SEMG2: variants seen among roughly 807,000 people sequenced by gnomAD.
The protein encoded by SEMG2 is semenogelin 2.
Under a neutral mutation model 8.1 loss-of-function variants are expected in SEMG2, and 3 were observed. That is an observed-to-expected ratio of 0.37 (90% CI 0.17 to 0.96). The LOEUF (loss-of-function observed/expected upper bound fraction) is 0.96. SEMG2 is among the 40% of genes least tolerant of loss of function. The pLI is 0.41. For synonymous variants in SEMG2, 252 were observed against 231.4 expected (o/e 1.09, Z -0.81); for missense variants, 726 against 671.2 (o/e 1.08, Z -0.90).
chr20:45,221,583 T>C (rs766926139), intron 1 of SEMG2, 118 bp downstream of exon 1: 12 of 1,414,092 alleles, frequency 8.5e-6, no homozygotes, highest in Non-Finnish European at 1.2e-5. Context: ...TGAGAATTGA[T>C]TTTTCTCCAC....
chr20:45,223,162 A>C lies in SEMG2; in HGVS notation c.1530A>C (p.Thr510=). ...TAGAAGGCAAGTCTCAAATCCAGAC[A>C]CCAAATCCTAATCAAGATCAATGGT... ...KLVEGKSQIQ[T]PNPNQDQWSG... The change falls in exon 2 of 3, where the codon ACA becomes ACC. Residue 510 remains threonine (T), a synonymous_variant. Transcript: ENST00000372769. The C allele has an allele frequency of 1.9e-6, 3 of 1,614,140 alleles. No individual in the cohort carries two copies. Among genetic ancestry groups the C allele is most frequent in the Non-Finnish European group, 2.5e-6 (3 of 1,179,990 alleles).
At chr20:45,221,683 C>T in intron 1 of SEMG2, 26 bp from the exon 2 acceptor site, 1 of 1,534,324 alleles carries the variant, frequency 6.5e-7, no homozygotes, top group Non-Finnish European at 8.9e-7. Flanking sequence ...ATAATGAATG[C>T]ATACATTTCT....
chr20:45,222,237 T>C lies in SEMG2; in HGVS notation c.605T>C (p.Val202Ala), dbSNP rs1391043581. ...SSYVLQTEEL[V>A]VNKQQRETKN... Reference sequence around the variant, plus strand: ...TATGTTCTCCAAACTGAAGAACTAGTAGTTAACAAACAACAACGTGAGACT... The same window carrying C: ...TATGTTCTCCAAACTGAAGAACTAGCAGTTAACAAACAACAACGTGAGACT... Residue 202 changes from valine (V) to alanine (A), a missense_variant, in exon 2 of 3, where the codon GTA (valine) becomes GCA (alanine). Physicochemically the swap from Val to Ala is moderately conservative, Grantham distance 64. Transcript: ENST00000372769. 12 of 1,614,166 alleles carry C rather than the reference T, an allele frequency of 7.4e-6. No individual in the cohort carries two copies. Among genetic ancestry groups the C allele is most frequent in the Non-Finnish European group, 1.0e-5 (12 of 1,180,014 alleles).
chr20:45,223,571 C>T (rs955785862), intron 2 of SEMG2, 146 bp downstream of exon 2: 18 of 501,976 alleles, frequency 3.6e-5, no homozygotes, highest in African/African-American at 1.4e-4. Flanking sequence ...CATTTCCTGG[C>T]GAGTAGAGGA....
chr20:45,221,548 T>C, intron 1 of SEMG2, 83 bp downstream of exon 1: 1 of 1,493,472 alleles, frequency 6.7e-7, no homozygotes, highest in Non-Finnish European at 9.2e-7. Flanking sequence ...CAGTAACCTG[T>C]TCAGGCACAG....
At position 45,222,275 on chromosome 20, in the gene SEMG2, C is replaced by A. The variant is rs767380144; in HGVS notation, c.643C>A (p.Gln215Lys). The A allele has an allele frequency of 6.2e-7, 1 of 1,613,986 alleles. No individual in the cohort carries two copies. Among genetic ancestry groups the A allele is most frequent in the Non-Finnish European group, 8.5e-7 (1 of 1,179,972 alleles). The change falls in exon 2 of 3, where the codon CAA becomes AAA. Residue 215 changes from glutamine (Q) to lysine (K), a missense_variant. Gln to Lys is a moderately conservative substitution (Grantham distance 53, BLOSUM62 1). Transcript: ENST00000372769. ...ACAACGTGAGACTAAAAATTCTCAT[C>A]AAAATAAAGGGCATTACCAAAATGT... ...KQQRETKNSH[Q>K]NKGHYQNVVD... is the part of the protein sequence containing the mutation.
intron 2 of SEMG2, 87 bp downstream of exon 2, chr20:45,223,512 G>A: frequency 1.6e-6 from 1 of 612,356 alleles, no homozygotes; most frequent in East Asian, 2.8e-5. Context: ...GATAACCATT[G>A]TTCACATCAA....
rs766849453 is a variant in SEMG2, at chr20:45,223,408, A to T, written c.*27A>T. 1.2e-5 allele frequency: 18 copies of T among 1,526,332 alleles called. No homozygotes were observed. The allele number at this position is 1,526,332 out of a possible 1,614,324, so 94.5% of individuals were successfully genotyped here. A position where few individuals can be genotyped will look rare whatever the true frequency, so the allele number is the denominator to read the frequency against. ...CCTGTTGCTTAGCAACCACTTGAAA[A>T]GCTGGACCAATAGCAAGGTAAGTTT... On this transcript the variant is annotated 3_prime_UTR_variant, in exon 2 of 3. Transcript: ENST00000372769.
chr20:45,222,355 A>C lies in SEMG2; in HGVS notation c.723A>C (p.Ala241=). The change falls in exon 2 of 3, where the codon GCA becomes GCC. Residue 241 remains alanine (A), a synonymous_variant. Transcript: ENST00000372769. ...AACTACAAACTTCACTCCATCCTGC[A>C]CATCAAGACAGACTCCAACATGGAC... ...SSKLQTSLHP[A]HQDRLQHGPK... is the part of the protein sequence containing the mutation. The C allele has an allele frequency of 6.2e-7, 1 of 1,614,182 alleles. No individual in the cohort carries two copies. Among genetic ancestry groups the C allele is most frequent in the Non-Finnish European group, 8.5e-7 (1 of 1,180,022 alleles).
At position 45,222,607 on chromosome 20, in the gene SEMG2, G is replaced by A. The variant is rs758060411; in HGVS notation, c.975G>A (p.Lys325=). ...AAACTGAAGAGAAAATACATGGCAA[G>A]TCTCAAAACCAGGTAACAATTCATA... ...SIQTEEKIHG[K]SQNQVTIHSQ... Residue 325 remains lysine, a synonymous_variant, in exon 2 of 3, where the codon AAG becomes AAA. Coordinates refer to ENST00000372769, the MANE Select transcript of SEMG2 (RefSeq NM_003008.3). 6.2e-7 allele frequency: 1 copy of A among 1,614,136 alleles called. No individual in the cohort carries two copies.
chr20:45,222,417 T>C lies in SEMG2; in HGVS notation c.785T>C (p.Val262Ala). ...DIFTTQDELL[V>A]YNKNQHQTKN... The stretch of plus-strand genomic sequence containing the variant: ...TTTACTACCCAAGATGAGCTCCTAG[T>C]ATATAACAAGAATCAACACCAGACA... Residue 262 changes from valine (V) to alanine (A), a missense_variant, in exon 2 of 3, where the codon GTA becomes GCA. Coordinates refer to ENST00000372769, the MANE Select transcript of SEMG2 (RefSeq NM_003008.3). 6.2e-7 allele frequency: 1 copy of C among 1,614,060 alleles called. No individual in the cohort carries two copies. The highest frequency in any genetic ancestry group is 1.1e-5 in the South Asian group (1 of 91,076).
Position 45,223,273 on chromosome 20 carries a change from A to G in SEMG2, c.1641A>G (p.Lys547=). 6.2e-7 allele frequency: 1 copy of G among 1,614,178 alleles called. No individual in the cohort carries two copies. Among genetic ancestry groups the G allele is most frequent in the South Asian group, 1.1e-5 (1 of 91,082 alleles). Residue 547 remains lysine, a synonymous_variant, in exon 2 of 3, where the codon AAA becomes AAG. Coordinates refer to ENST00000372769, the MANE Select transcript of SEMG2 (RefSeq NM_003008.3). ...LLSHEQKGRY[K]QESSESHNIV... ...GTCATGAACAAAAAGGCAGATACAA[A>G]CAGGAATCCAGTGAGTCACATAATA...
In SEMG2 at chr20:45,221,802, C is replaced by T. The variant is rs755599676; in HGVS notation, c.170C>T (p.Thr57Ile). The T allele has an allele frequency of 1.9e-6, 3 of 1,614,038 alleles. No individual in the cohort carries two copies. Among genetic ancestry groups the T allele is most frequent in the Admixed American group, 3.3e-5 (2 of 60,004 alleles). ...HYFGQKDQQH[T>I]KSKGSFSIQH... ...TTTGGACAAAAAGACCAACAACATA[C>T]TAAATCCAAAGGCAGTTTTTCTATT... The change falls in exon 2 of 3, where the codon ACT (threonine) becomes ATT (isoleucine). Residue 57 changes from threonine (T) to isoleucine (I), a missense_variant. By Grantham distance (89) the Thr-to-Ile change is moderately conservative. Coordinates refer to ENST00000372769, the MANE Select transcript of SEMG2 (RefSeq NM_003008.3).
Position 45,222,547 on chromosome 20 carries a change from A to C in SEMG2, c.915A>C (p.Val305=). 6.2e-7 allele frequency: 1 copy of C among 1,614,180 alleles called. No homozygotes were observed. The highest frequency in any genetic ancestry group is 8.5e-7 in the Non-Finnish European group (1 of 1,180,018). ...AACTTCACCATGGAGAAAAGAGTGT[A>C]CAGAAAGATGTATCCAAAGGCAGCA... is the stretch of plus-strand genomic sequence containing the variant. ...ERQLHHGEKS[V]QKDVSKGSIS... is the part of the protein sequence containing the mutation. The change falls in exon 2 of 3, where the codon GTA becomes GTC. Residue 305 remains valine (V), a synonymous_variant. Coordinates refer to ENST00000372769, the MANE Select transcript of SEMG2 (RefSeq NM_003008.3).
In SEMG2 at chr20:45,222,784, C is replaced by A; in HGVS notation, c.1152C>A (p.Gly384=). 1 of 1,614,074 alleles carries A rather than the reference C, an allele frequency of 6.2e-7. No homozygotes were observed. Among genetic ancestry groups the A allele is most frequent in the South Asian group, 1.1e-5 (1 of 91,080 alleles). ...TCCAAACTGAAGAGCAAATACATGG[C>A]AAGTCTCAAAACCAGGTAAGAATTC... ...ISIQTEEQIH[G]KSQNQVRIPS... The change falls in exon 2 of 3, where the codon GGC becomes GGA. Residue 384 remains glycine, a synonymous_variant. Coordinates refer to ENST00000372769, the MANE Select transcript of SEMG2 (RefSeq NM_003008.3).
At chr20:45,223,715 T>A (rs886312173) in intron 2 of SEMG2, among the ~76,000 whole-genome samples, 3 of 152,242 alleles carry the variant, frequency 2.0e-5, no homozygotes, top group Non-Finnish European at 4.4e-5. Flanking sequence ...ACTGACTATA[T>A]ATGCATATTT....
chr20:45,221,963 C>G lies in SEMG2; in HGVS notation c.331C>G (p.Gln111Glu). Residue 111 changes from glutamine to glutamate, a missense_variant, in exon 2 of 3, where the codon CAA (glutamine) becomes GAA (glutamate). Transcript: ENST00000372769. Reference protein sequence around the residue: ...GGSQQLLNYKQEGRDHDKSKG... With the variant: ...GGSQQLLNYKEEGRDHDKSKG... ...AAGTCAACAACTGCTCAATTATAAACAAGAAGGCAGAGACCATGATAAATC... is the reference window on the plus strand; with the variant it reads ...AAGTCAACAACTGCTCAATTATAAAGAAGAAGGCAGAGACCATGATAAATC... The G allele has an allele frequency of 6.2e-7, 1 of 1,613,728 alleles. No homozygotes were observed. Among genetic ancestry groups the G allele is most frequent in the South Asian group, 1.1e-5 (1 of 90,904 alleles).
chr20:45,221,675 A>C, intron 1 of SEMG2, 34 bp from the exon 2 acceptor site: 2 of 1,525,624 alleles, frequency 1.3e-6, no homozygotes, highest in Non-Finnish European at 1.8e-6. Flanking sequence ...CTTTGGAGAT[A>C]ATGAATGCAT....
chr20:45,221,688 A>G (rs552609548), intron 1 of SEMG2, 21 bp from the exon 2 acceptor site: 5 of 1,563,116 alleles, frequency 3.2e-6, no homozygotes, highest in Admixed American at 1.8e-5. Flanking sequence ...GAATGCATAC[A>G]TTTCTATTAT....
Sources: allele counts gnomAD v4.1 joint callset (sites outside exome capture counted in the v4.1 genomes callset), GRCh38; gene constraint gnomAD v4.1.1; transcripts MANE v1.5; gene names NCBI Gene and HGNC (gene_info 2026-07-23, HGNC 2026-07-21).